THAP9: variants seen among roughly 807,000 people sequenced by gnomAD.
THAP9 encodes the protein DNA transposase THAP9.
Under a neutral mutation model 35.7 loss-of-function variants are expected in THAP9, and 20 were observed. The ratio of observed to expected loss-of-function variants is 0.56; its 90% CI spans 0.39 to 0.81. The LOEUF is 0.81. Ranked by LOEUF, THAP9 falls within the 40% of genes least tolerant of loss-of-function variation. The probability of loss-of-function intolerance (pLI) is 0.00; values close to 1 mark genes in which losing one functional copy is unlikely to be tolerated. For synonymous variants in THAP9, 335 were observed against 373.7 expected (o/e 0.90, Z 1.19); for missense variants, 870 against 1,047.4 (o/e 0.83, Z 2.34).
In THAP9 at chr4:82,917,228, A is replaced by AT. The variant is rs758965702; in HGVS notation, c.1023dup (p.Val342CysfsTer19). 5 of 1,613,882 alleles carry AT rather than the reference A, an allele frequency of 3.1e-6. No homozygotes were observed. The highest frequency in any genetic ancestry group is 2.7e-5 in the African/African-American group (2 of 74,890). ...GGCCATTGGAGAACACCTCTTGGTTATTTTTTTGTAAACAGAGCATCTGGA... is the reference window on the plus strand; with the variant it reads ...GGCCATTGGAGAACACCTCTTGGTTATTTTTTTTGTAAACAGAGCATCTGGA... On this transcript the variant is annotated frameshift_variant, in exon 5 of 5. Coordinates refer to ENST00000302236, the MANE Select transcript of THAP9 (RefSeq NM_024672.6). LOFTEE classifies it high-confidence loss of function.
intron 3 of THAP9, among the ~76,000 whole-genome samples, chr4:82,907,399 A>C (rs765529153): frequency 6.6e-6 from 1 of 152,064 alleles, no homozygotes; most frequent in African/African-American, 2.4e-5. Context: ...GTTCAGTCTG[A>C]ATAGTACCCT....
intron 1 of THAP9, among the ~76,000 whole-genome samples, chr4:82,903,798 C>T (rs1438417550): frequency 6.6e-6 from 1 of 152,304 alleles, no homozygotes; most frequent in African/African-American, 2.4e-5. Context: ...AAGTCACCTG[C>T]TTTCAAAAAG....
chr4:82,901,137 G>A (rs1720341296), intron 1 of THAP9: 5 of 682,854 alleles, frequency 7.3e-6, no homozygotes, highest in Admixed American at 6.1e-5. Flanking sequence ...TTACGCGAAA[G>A]GAGTCCTCCA....
At position 82,918,495 on chromosome 4, in the gene THAP9, G is replaced by T. The variant is rs535802936; in HGVS notation, c.2283G>T (p.Leu761Phe). 6.2e-7 allele frequency: 1 copy of T among 1,614,158 alleles called. No homozygotes were observed. Among genetic ancestry groups the T allele is most frequent in the Non-Finnish European group, 8.5e-7 (1 of 1,180,004 alleles). ...TATTTGTTAAAAAGAAGAATGGTTT[G>T]CATTTTCCTTCAGAAAGTCTGTGTC... ...SLLFVKKKNG[L>F]HFPSESLCRV... Residue 761 changes from leucine to phenylalanine, a missense_variant, in exon 5 of 5, where the codon TTG becomes TTT. Physicochemically the swap from Leu to Phe is conservative, Grantham distance 22. Transcript: ENST00000302236.
At chr4:82,902,711 G>T (rs1165388990) in intron 1 of THAP9, among the ~76,000 whole-genome samples, 1 of 152,184 alleles carries the variant, frequency 6.6e-6, no homozygotes, top group African/African-American at 2.4e-5. Flanking sequence ...ATTGGAAAAA[G>T]AATTCCCTGT....
rs932571522 is a variant in THAP9, at chr4:82,905,065, T to C, written c.276+134T>C. ...AAATCCAGTAATAGATTTTAAATGCTTTGAAAATTTAAAAAAAAAATTATA... is the reference window on the plus strand; with the variant it reads ...AAATCCAGTAATAGATTTTAAATGCCTTGAAAATTTAAAAAAAAAATTATA... On this transcript the variant is annotated intron_variant, in intron 2 of 4. Coordinates refer to ENST00000302236, the MANE Select transcript of THAP9 (RefSeq NM_024672.6). The C allele has an allele frequency of 1.5e-5, 11 of 711,514 alleles. 1 individual carries two copies. Among genetic ancestry groups the C allele is most frequent in the African/African-American group, 1.4e-4 (8 of 56,100 alleles). 44.1% of individuals were successfully genotyped at this position (711,514 alleles called of 1,614,324 possible). A position where few individuals can be genotyped will look rare whatever the true frequency, so the allele number is the denominator to read the frequency against.
intron 4 of THAP9, among the ~76,000 whole-genome samples, chr4:82,915,721 C>G (rs928085323): frequency 6.6e-6 from 1 of 151,902 alleles, no homozygotes; most frequent in Non-Finnish European, 1.5e-5. Flanking sequence ...GCCAGTATAC[C>G]AAAATCCATG....
chr4:82,903,916 T>C (rs923759496), intron 1 of THAP9, among the ~76,000 whole-genome samples: 3 of 152,164 alleles, frequency 2.0e-5, no homozygotes, highest in Admixed American at 6.5e-5. Context: ...AGCAAACCAT[T>C]CTCTACAGAG....
Position 82,917,241 on chromosome 4 carries a change from CAG to C in THAP9, c.1032_1033del (p.Arg344SerfsTer16). The part of the protein sequence containing the change: ...RTPLGYFFVN[R>X]ASGYLQAQLL... ...CACCTCTTGGTTATTTTTTTGTAAA[CAG>C]AGCATCTGGATATTTGCAGGCTCAG... is the stretch of plus-strand genomic sequence containing the variant. On this transcript the variant is annotated frameshift_variant, in exon 5 of 5. Coordinates refer to ENST00000302236, the MANE Select transcript of THAP9 (RefSeq NM_024672.6). LOFTEE classifies it high-confidence loss of function. 1 of 1,614,036 alleles carries C rather than the reference CAG, an allele frequency of 6.2e-7. No individual in the cohort carries two copies. The highest frequency in any genetic ancestry group is 8.5e-7 in the Non-Finnish European group (1 of 1,179,980).
At chr4:82,904,440 A>C (rs1720560527) in intron 1 of THAP9, among the ~76,000 whole-genome samples, 1 of 152,212 alleles carries the variant, frequency 6.6e-6, no homozygotes, top group Admixed American at 6.5e-5. Context: ...ATATTCTTTA[A>C]CCATTTAAAT....
At chr4:82,912,762 T>G (rs1720908123) in intron 4 of THAP9, among the ~76,000 whole-genome samples, 1 of 152,226 alleles carries the variant, frequency 6.6e-6, no homozygotes, top group Non-Finnish European at 1.5e-5. Context: ...TGTGTAAGGG[T>G]GCACATGCGT....
In THAP9 at chr4:82,904,792, A is replaced by C; in HGVS notation, c.137A>C (p.Asp46Ala). The change falls in exon 2 of 5, where the codon GAC becomes GCC. Residue 46 changes from aspartate (D) to alanine (A), a missense_variant. Physicochemically the swap from Asp to Ala is moderately radical, Grantham distance 126. Coordinates refer to ENST00000302236, the MANE Select transcript of THAP9 (RefSeq NM_024672.6). ...TGGATCAGGGCTGTTAATCGTGTGG[A>C]CCCCAGAAGCAAAAAGATTTGGATT... Reference protein sequence around the residue: ...SKWIRAVNRVDPRSKKIWIPG... With the variant: ...SKWIRAVNRVAPRSKKIWIPG... 1 of 1,614,104 alleles carries C rather than the reference A, an allele frequency of 6.2e-7. No homozygotes were observed. Among genetic ancestry groups the C allele is most frequent in the Non-Finnish European group, 8.5e-7 (1 of 1,180,014 alleles).
Position 82,907,950 on chromosome 4 carries a change from T to C in THAP9, c.731+15T>C. The stretch of plus-strand genomic sequence containing the variant: ...ATCCTCAGAACGTAAGTGAATTATT[T>C]TTTTATTTTTTAAAAGTGACTTTCT... On this transcript the variant is annotated intron_variant, in intron 4 of 4. Coordinates refer to ENST00000302236, the MANE Select transcript of THAP9 (RefSeq NM_024672.6). The C allele has an allele frequency of 6.2e-7, 1 of 1,604,520 alleles. No individual in the cohort carries two copies. Among genetic ancestry groups the C allele is most frequent in the Non-Finnish European group, 8.5e-7 (1 of 1,176,960 alleles).
At chr4:82,901,346 T>C (rs1720356552) in intron 1 of THAP9, among the ~76,000 whole-genome samples, 1 of 152,144 alleles carries the variant, frequency 6.6e-6, no homozygotes, top group South Asian at 2.1e-4. Context: ...GATTTGATCA[T>C]GGCAGGGAAG....
In THAP9 at chr4:82,907,827, A is replaced by G. The variant is rs1461144651; in HGVS notation, c.623A>G (p.Tyr208Cys). Residue 208 changes from tyrosine to cysteine, a missense_variant, in exon 4 of 5, where the codon TAC (tyrosine) becomes TGC (cysteine). Physicochemically the swap from Tyr to Cys is radical, Grantham distance 194. Around this residue, in one of 3 missense-constraint regions of THAP9, gnomAD observed 440 missense variants for 501.2 expected, o/e 0.88. Coordinates refer to ENST00000302236, the MANE Select transcript of THAP9 (RefSeq NM_024672.6). ...ELYNWRETDE[Y>C]SAEMKQFACT... ...TATAATTGGAGAGAAACAGATGAGT[A>G]CTCCGCAGAAATGAAACAATTTGCA... 3 of 1,608,622 alleles carry G rather than the reference A, an allele frequency of 1.9e-6. No homozygotes were observed. The highest frequency in any genetic ancestry group is 3.4e-5 in the Admixed American group (2 of 59,256).
rs1721121218 is a variant in THAP9 at position 82,918,418 on chromosome 4, A to C, written c.2206A>C (p.Ile736Leu). ...LSALLTCEDC[I>L]TALYASDLKA... ...AGCTCTTTTAACTTGTGAGGACTGC[A>C]TCACTGCACTGTATGCATCGGATCT... The change falls in exon 5 of 5, where the codon ATC becomes CTC. Residue 736 changes from isoleucine to leucine, a missense_variant. Ile to Leu is a conservative substitution (Grantham distance 5). Coordinates refer to ENST00000302236, the MANE Select transcript of THAP9 (RefSeq NM_024672.6). 3 of 1,614,210 alleles carry C rather than the reference A, an allele frequency of 1.9e-6. No homozygotes were observed. Among genetic ancestry groups the C allele is most frequent in the Non-Finnish European group, 2.5e-6 (3 of 1,180,002 alleles).
chr4:82,915,639 A>T (rs1721011597), intron 4 of THAP9, among the ~76,000 whole-genome samples: 1 of 151,978 alleles, frequency 6.6e-6, no homozygotes, highest in African/African-American at 2.4e-5. Context: ...AAATATATTT[A>T]TATTTATTTA....
At chr4:82,904,432 A>G (rs927701654) in intron 1 of THAP9, among the ~76,000 whole-genome samples, 5 of 152,220 alleles carry the variant, frequency 3.3e-5, no homozygotes, top group African/African-American at 7.2e-5. Context: ...AGATGCATAT[A>G]TTCTTTAACC....
At chr4:82,904,967 A>G (rs770432727) in intron 2 of THAP9, 36 bp downstream of exon 2, 1 of 1,597,982 alleles carries the variant, frequency 6.3e-7, no homozygotes, top group Admixed American at 1.7e-5. Context: ...CAAAATGAAA[A>G]TTTACAGAGC....
Sources: allele counts gnomAD v4.1 joint callset (sites outside exome capture counted in the v4.1 genomes callset), GRCh38; gene constraint gnomAD v4.1.1; regional missense constraint gnomAD v4.1.1; transcripts MANE v1.5; gene names NCBI Gene and HGNC (gene_info 2026-07-23, HGNC 2026-07-21).